FAM135A: variants seen among roughly 807,000 people sequenced by gnomAD.
FAM135A encodes protein FAM135A.
In FAM135A, 79 loss-of-function variants were observed where a neutral mutation model predicts 146.8. The ratio of observed to expected loss-of-function variants is 0.54; its 90% CI spans 0.45 to 0.65. FAM135A has a LOEUF of 0.65. Among genes scored for constraint, FAM135A ranks in the 30% least tolerant of loss-of-function variants. The pLI, the probability that FAM135A is intolerant of heterozygous loss-of-function variation, is 0.00. For synonymous variants in FAM135A, 562 were observed against 603.6 expected, an observed-to-expected ratio of 0.93 and a Z score of 1.01; for missense variants, 1,623 against 1,758.2, an observed-to-expected ratio of 0.92 and a Z score of 1.38.
chr6:70,552,658 C>T (rs991623260), intron 20 of FAM135A, among the ~76,000 whole-genome samples: 13 of 151,746 alleles, frequency 8.6e-5, no homozygotes, highest in African/African-American at 1.7e-4. Context: ...TTGGTAGAGA[C>T]GGGGTTTCAC....
At chr6:70,498,384 G>T (rs560330539) in intron 11 of FAM135A, among the ~76,000 whole-genome samples, 14 of 151,398 alleles carry the variant, frequency 9.2e-5, no homozygotes, top group African/African-American at 2.9e-4. Flanking sequence ...TATTAGTCTC[G>T]CTAGTGGTCT....
At chr6:70,448,935 A>C (rs567421565) in intron 4 of FAM135A, among the ~76,000 whole-genome samples, 1 of 152,172 alleles carries the variant, frequency 6.6e-6, no homozygotes, top group African/African-American at 2.4e-5. Flanking sequence ...TGGTAAACCC[A>C]CAACCTTCCA....
chr6:70,421,613 A>C (rs1304914993), intron 2 of FAM135A, among the ~76,000 whole-genome samples: 1 of 152,132 alleles, frequency 6.6e-6, no homozygotes, highest in Non-Finnish European at 1.5e-5. Context: ...TTTCAGAGTC[A>C]TTTCCTGTTT....
intron 5 of FAM135A, among the ~76,000 whole-genome samples, chr6:70,473,706 T>G (rs73482554): frequency 1.3e-5 from 2 of 151,956 alleles, no homozygotes; most frequent in African/African-American, 4.8e-5. Flanking sequence ...TATGTGGACC[T>G]CCTCCTTACC....
chr6:70,555,788 T>A (rs929309378), intron 20 of FAM135A, among the ~76,000 whole-genome samples: 2 of 152,130 alleles, frequency 1.3e-5, no homozygotes, highest in African/African-American at 4.8e-5. Context: ...ATATGTTCAA[T>A]TAACTTCTAT....
intron 4 of FAM135A, among the ~76,000 whole-genome samples, chr6:70,445,237 T>C (rs1775433851): frequency 6.6e-6 from 1 of 152,226 alleles, no homozygotes; most frequent in African/African-American, 2.4e-5. Context: ...CTACTTTTGC[T>C]CAGCAGCAGG....
At position 70,502,695 on chromosome 6, in the gene FAM135A, C is replaced by T. The variant is rs762968323; in HGVS notation, c.933C>T (p.Cys311=). 1 of 1,613,298 alleles carries T rather than the reference C, an allele frequency of 6.2e-7. No individual in the cohort carries two copies. Reference sequence around the variant, plus strand: ...TAAATATGAATCTTGCGCAACTTTGCTCACTTTTGATGGCTTTATGGGGAC... The same window carrying T: ...TAAATATGAATCTTGCGCAACTTTGTTCACTTTTGATGGCTTTATGGGGAC... The part of the protein sequence containing the change: ...ELINMNLAQL[C]SLLMALWGQF... Residue 311 remains cysteine (C), a synonymous_variant, in exon 12 of 22, where the codon TGC becomes TGT. Transcript: ENST00000418814.
chr6:70,422,723 G>C (rs996051511), intron 2 of FAM135A, among the ~76,000 whole-genome samples: 3 of 152,162 alleles, frequency 2.0e-5, no homozygotes, highest in Non-Finnish European at 4.4e-5. Context: ...CAAGTTGGTT[G>C]AGTTTCAATT....
chr6:70,528,557 A>G (rs1795176439), intron 16 of FAM135A, 105 bp downstream of exon 16: 3 of 980,818 alleles, frequency 3.1e-6, no homozygotes, highest in Non-Finnish European at 4.2e-6. Flanking sequence ...AGATTTTTTA[A>G]TTGCTTAAAT....
chr6:70,430,310 C>G (rs899456639), intron 4 of FAM135A, among the ~76,000 whole-genome samples: 1 of 151,742 alleles, frequency 6.6e-6, no homozygotes, highest in African/African-American at 2.4e-5. Context: ...GCACTCCAGC[C>G]TGGGTAACAG....
intron 19 of FAM135A, among the ~76,000 whole-genome samples, chr6:70,536,934 A>T (rs1020178982): frequency 4.7e-4 from 61 of 128,922 alleles, no homozygotes; most frequent in Middle Eastern, 4.3e-3. Flanking sequence ...TGGTACTTTG[A>T]TTTTTTTTTT....
chr6:70,481,956 T>C (rs1191018345), intron 9 of FAM135A, 45 bp from the exon 10 acceptor site: 1 of 1,529,566 alleles, frequency 6.5e-7, no homozygotes, highest in African/African-American at 1.4e-5. Context: ...CATGTAACAT[T>C]TTGTATTACT....
intron 4 of FAM135A, among the ~76,000 whole-genome samples, chr6:70,443,042 T>C (rs1774920839): frequency 6.6e-6 from 1 of 152,228 alleles, no homozygotes; most frequent in Non-Finnish European, 1.5e-5. Context: ...CCAGATTATC[T>C]TTGGGATATC....
intron 21 of FAM135A, among the ~76,000 whole-genome samples, chr6:70,558,807 A>T (rs1801395154): frequency 6.6e-6 from 1 of 152,086 alleles, no homozygotes; most frequent in African/African-American, 2.4e-5. Context: ...TAACAGAGTG[A>T]CACCCTGTCT....
At chr6:70,489,323 A>G (rs1785373856) in intron 10 of FAM135A, among the ~76,000 whole-genome samples, 1 of 152,186 alleles carries the variant, frequency 6.6e-6, no homozygotes, top group Non-Finnish European at 1.5e-5. Flanking sequence ...AAATCATTGC[A>G]AATTTCTTTA....
At chr6:70,427,533 CAAAA>C (rs55796657) in intron 3 of FAM135A, among the ~76,000 whole-genome samples, 2 of 85,538 alleles carry the variant, frequency 2.3e-5, no homozygotes, top group Admixed American at 2.4e-4. Flanking sequence ...CTCTGTCTCA[CAAAA>C]AAAAAAAAAA....
chr6:70,492,235 T>C (rs1235208165), intron 11 of FAM135A, among the ~76,000 whole-genome samples: 2 of 151,870 alleles, frequency 1.3e-5, no homozygotes, highest in African/African-American at 2.4e-5. Flanking sequence ...ATAGTCACTA[T>C]TATGTTTAAT....
Position 70,428,446 on chromosome 6 carries a change from T to C in FAM135A, c.77+27T>C, listed in dbSNP as rs1401532355. 5.3e-6 allele frequency: 8 copies of C among 1,507,866 alleles called. No homozygotes were observed. In the Admixed American group the frequency reaches 7.3e-5, roughly 14 times the overall value. The allele number at this position is 1,507,866 out of a possible 1,614,324, so 93.4% of individuals were successfully genotyped here. A position where few individuals can be genotyped will look rare whatever the true frequency, so the allele number is the denominator to read the frequency against. ...TATGTATTTTATTGTGAAAATGATA[T>C]ATTTTGCATAAGATGTACAGTTTAA... On this transcript the variant is annotated intron_variant, in intron 4 of 21. Transcript: ENST00000418814.
intron 4 of FAM135A, among the ~76,000 whole-genome samples, chr6:70,441,924 C>A (rs951490795): frequency 6.6e-6 from 1 of 152,050 alleles, no homozygotes; most frequent in African/African-American, 2.4e-5. Context: ...ACCTCGTGAT[C>A]CACCTGCCTT....
Sources: gnomAD v4.1 joint callset for allele counts (sites outside exome capture counted in the v4.1 genomes callset) on GRCh38, gnomAD v4.1.1 for gene constraint, MANE v1.5 for transcripts, NCBI Gene and HGNC (gene_info 2026-07-23, HGNC 2026-07-21) for gene names.